PTPRN2: variants seen among roughly 807,000 people sequenced by gnomAD.
The protein encoded by PTPRN2 is protein tyrosine phosphatase receptor type N2, also known as receptor-type tyrosine-protein phosphatase N2.
Under a neutral mutation model 118.8 loss-of-function variants are expected in PTPRN2, and 74 were observed. That is an observed-to-expected ratio of 0.62 (90% CI 0.52 to 0.76). The LOEUF (loss-of-function observed/expected upper bound fraction) is 0.76. Among genes scored for constraint, PTPRN2 ranks in the 30% least tolerant of loss-of-function variants. The pLI, the probability that PTPRN2 is intolerant of heterozygous loss-of-function variation, is 0.00. For synonymous variants in PTPRN2, 641 were observed against 608.0 expected, an observed-to-expected ratio of 1.05 and a Z score of -0.80; for missense variants, 1,481 against 1,394.4, an observed-to-expected ratio of 1.06 and a Z score of -0.99.
At chr7:158,133,568 G>T in intron 9 of PTPRN2, 109 bp downstream of exon 9, 1 of 1,427,152 alleles carries the variant, frequency 7.0e-7, no homozygotes, top group Non-Finnish European at 9.3e-7. Context: ...TTCAGTTGAA[G>T]ACACTTAAAA....
intron 11 of PTPRN2, among the ~76,000 whole-genome samples, chr7:157,956,267 C>T (rs1344559319): frequency 2.0e-5 from 3 of 152,134 alleles, no homozygotes; most frequent in East Asian, 3.9e-4. Flanking sequence ...CAGCAAGAGA[C>T]GTGGAGCACA....
chr7:157,920,787 G>T (rs1345285565), intron 11 of PTPRN2, among the ~76,000 whole-genome samples: 1 of 152,256 alleles, frequency 6.6e-6, no homozygotes, highest in African/African-American at 2.4e-5. Flanking sequence ...AAAGTTAGAT[G>T]TAAAATGCCA....
At chr7:157,778,747 G>A (rs376173132) in intron 12 of PTPRN2, among the ~76,000 whole-genome samples, 111 of 151,360 alleles carry the variant, frequency 7.3e-4, no homozygotes, top group African/African-American at 2.3e-3. Context: ...GAATGCCCAC[G>A]TAAACATGTC....
At chr7:157,575,423 G>A (rs955132709) in intron 19 of PTPRN2, among the ~76,000 whole-genome samples, 6 of 152,252 alleles carry the variant, frequency 3.9e-5, no homozygotes, top group Non-Finnish European at 7.3e-5. Context: ...GTCCCCAGGG[G>A]AGGTGACGGC....
intron 12 of PTPRN2, among the ~76,000 whole-genome samples, chr7:157,737,273 G>C (rs1050855229): frequency 6.6e-6 from 1 of 152,242 alleles, no homozygotes; most frequent in African/African-American, 2.4e-5. Flanking sequence ...GCCCAAGCTC[G>C]CCCCAGACTG....
At chr7:158,324,059 G>GCA (rs57802533) in intron 2 of PTPRN2, among the ~76,000 whole-genome samples, 10 of 151,146 alleles carry the variant, frequency 6.6e-5, no homozygotes, top group African/African-American at 9.7e-5. Flanking sequence ...TTGCAAACGT[G>GCA]CACACACACA....
chr7:158,323,143 G>A (rs1803177747), intron 2 of PTPRN2, among the ~76,000 whole-genome samples: 2 of 152,242 alleles, frequency 1.3e-5, no homozygotes, highest in Admixed American at 1.3e-4. Flanking sequence ...GCTTCTTGCT[G>A]CCCTGGCTGG....
intron 1 of PTPRN2, among the ~76,000 whole-genome samples, chr7:158,510,003 G>A (rs934244323): frequency 1.3e-5 from 2 of 152,212 alleles, no homozygotes; most frequent in African/African-American, 4.8e-5. Flanking sequence ...TCTCGGCAGA[G>A]AAGAACAGGC....
chr7:157,695,453 T>C (rs113629335), intron 12 of PTPRN2, among the ~76,000 whole-genome samples: 1 of 152,224 alleles, frequency 6.6e-6, no homozygotes, highest in African/African-American at 2.4e-5. Flanking sequence ...TTAAAAAGTA[T>C]TTACTATTAT....
intron 9 of PTPRN2, among the ~76,000 whole-genome samples, chr7:158,116,256 T>G (rs1026523838): frequency 1.3e-5 from 2 of 152,276 alleles, no homozygotes; most frequent in Non-Finnish European, 2.9e-5. Context: ...ATAAAGTTTC[T>G]GTAAAACTAA....
chr7:157,671,062 A>C lies in PTPRN2; in HGVS notation c.2001+11663T>G, dbSNP rs1304731887. Among the ~76,000 whole-genome samples, 1 of 152,206 alleles carries C rather than the reference A, an allele frequency of 6.6e-6. No homozygotes were observed. The highest frequency in any genetic ancestry group is 1.9e-4 in the East Asian group (1 of 5,194). ...ATGGGCGGGCAGGACTCTGGACCTG[A>C]GAATTGCACAGGATGGTTTCCAAGA... On this transcript the variant is annotated intron_variant, in intron 13 of 22. Transcript: ENST00000389418. This position sits in a 1 kb window ranked among gnomAD's most constrained non-coding sequence, Gnocchi z 4.1.
Position 158,157,327 on chromosome 7 carries a change from C to T in PTPRN2, c.910+9604G>A, listed in dbSNP as rs190639095. 3.2e-3 allele frequency among the ~76,000 whole-genome samples: 481 copies of T among 152,368 alleles called. 1 individual carries two copies. Among genetic ancestry groups the T allele is most frequent in the African/African-American group, 0.011 (464 of 41,582 alleles). ...GACAGAGGCAAATTTCAACCCAATTCTCAAAGTAAAAATCTTTCCAGCAAA... is the reference window on the plus strand; with the variant it reads ...GACAGAGGCAAATTTCAACCCAATTTTCAAAGTAAAAATCTTTCCAGCAAA... On this transcript the variant is annotated intron_variant, in intron 6 of 22. Coordinates refer to ENST00000389418, the MANE Select transcript of PTPRN2 (RefSeq NM_002847.5).
chr7:157,750,586 G>C (rs1801403217), intron 12 of PTPRN2, among the ~76,000 whole-genome samples: 2 of 152,246 alleles, frequency 1.3e-5, no homozygotes, highest in Admixed American at 1.3e-4. Flanking sequence ...TAGGAAGGCT[G>C]GCCCGAGGAT....
chr7:157,652,806 C>T (rs1193303987), intron 14 of PTPRN2, among the ~76,000 whole-genome samples: 2 of 152,264 alleles, frequency 1.3e-5, no homozygotes, highest in African/African-American at 4.8e-5. Context: ...CACACCCTGG[C>T]CTGTCTCCTT....
chr7:158,069,478 A>T (rs1380448152), intron 11 of PTPRN2, among the ~76,000 whole-genome samples: 1 of 152,032 alleles, frequency 6.6e-6, no homozygotes, highest in African/African-American at 2.4e-5. Flanking sequence ...GATGACAGGC[A>T]TGGCCACCAC....
intron 12 of PTPRN2, among the ~76,000 whole-genome samples, chr7:157,715,101 G>A (rs1164702338): frequency 4.6e-5 from 7 of 152,234 alleles, no homozygotes; most frequent in African/African-American, 1.7e-4. Flanking sequence ...ACTTGAATCT[G>A]GTGGCTTCTG....
intron 11 of PTPRN2, among the ~76,000 whole-genome samples, chr7:158,071,090 G>GTA: frequency 2.1e-5 from 2 of 97,488 alleles, no homozygotes; most frequent in African/African-American, 4.5e-5. Flanking sequence ...GGTGCCCGTG[G>GTA]TGGTGGAGGT....
Position 157,784,707 on chromosome 7 carries a change from GC to G in PTPRN2, c.1789-101771del, listed in dbSNP as rs1273571566. Reference sequence around the variant, plus strand: ...CCCGTATGAAACGGGCAGGGGCTGAGCTGATCCCGTGGCAGTGCAAACCGAG... The same window carrying G: ...CCCGTATGAAACGGGCAGGGGCTGAGTGATCCCGTGGCAGTGCAAACCGAG... On this transcript the variant is annotated intron_variant, in intron 12 of 22. Transcript: ENST00000389418. This position sits in a 1 kb window ranked among gnomAD's most constrained non-coding sequence, Gnocchi z 4.6. Among the ~76,000 whole-genome samples the G allele has an allele frequency of 2.0e-5, 3 of 151,968 alleles. No homozygotes were observed. The highest frequency in any genetic ancestry group is 7.3e-5 in the African/African-American group (3 of 41,362).
intron 21 of PTPRN2, among the ~76,000 whole-genome samples, chr7:157,556,975 GCA>G (rs199666546): frequency 6.8e-6 from 1 of 147,858 alleles, no homozygotes; most frequent in African/African-American, 2.5e-5. Flanking sequence ...GCACACACAT[GCA>G]CACACAATGT....
Sources: allele counts gnomAD v4.1 joint callset (sites outside exome capture counted in the v4.1 genomes callset), GRCh38; gene constraint gnomAD v4.1.1; non-coding constraint Gnocchi (gnomAD v3.1); transcripts MANE v1.5; gene names NCBI Gene and HGNC (gene_info 2026-07-23, HGNC 2026-07-21).